The following RABGAP1L variants were observed in gnomAD, a reference collection of about 807,000 sequenced individuals.
The protein encoded by RABGAP1L is RAB GTPase activating protein 1 like, also known as rab GTPase-activating protein 1-like.
RABGAP1L carries 63 observed loss-of-function variants against 137.7 expected under a neutral mutation model. The ratio of observed to expected loss-of-function variants is 0.46; its 90% CI spans 0.37 to 0.56. RABGAP1L has a LOEUF of 0.56. Among genes scored for constraint, RABGAP1L ranks in the 20% least tolerant of loss-of-function variants. The probability of loss-of-function intolerance (pLI) is 0.00; values close to 1 mark genes in which losing one functional copy is unlikely to be tolerated. For missense variants in RABGAP1L, 1,095 were observed against 1,244.0 expected (o/e 0.88, Z 1.80); for synonymous variants, 431 against 433.7 (o/e 0.99, Z 0.08).
chr1:174,934,084 T>TG (rs1041212031), intron 19 of RABGAP1L, among the ~76,000 whole-genome samples: 3 of 152,150 alleles, frequency 2.0e-5, no homozygotes, highest in African/African-American at 4.8e-5. Context: ...TTTTTGTTTT[T>TG]TTGTTGTTGT....
intron 14 of RABGAP1L, among the ~76,000 whole-genome samples, chr1:174,678,180 T>TA (rs2148466139): frequency 6.6e-6 from 1 of 152,268 alleles, no homozygotes; most frequent in Non-Finnish European, 1.5e-5. Flanking sequence ...ACAAATTATT[T>TA]AAATTGAAAC....
chr1:174,804,528 G>A (rs1176593078), intron 18 of RABGAP1L, among the ~76,000 whole-genome samples: 4 of 152,088 alleles, frequency 2.6e-5, no homozygotes, highest in African/African-American at 4.8e-5. Flanking sequence ...GCCAACGCTG[G>A]TCTAAAACTC....
intron 13 of RABGAP1L, among the ~76,000 whole-genome samples, chr1:174,530,878 C>G (rs1664342077): frequency 1.3e-5 from 2 of 151,300 alleles, no homozygotes; most frequent in Admixed American, 1.3e-4. Context: ...TTAAAATCAG[C>G]TTGTGGAATT....
chr1:174,720,307 G>GTTT (rs201866860), intron 17 of RABGAP1L, among the ~76,000 whole-genome samples: 4 of 118,244 alleles, frequency 3.4e-5, no homozygotes, highest in African/African-American at 8.3e-5. Flanking sequence ...ACAGATAGTT[G>GTTT]GTTTTTTTTT....
chr1:174,912,239 T>G (rs1248483452), intron 19 of RABGAP1L, among the ~76,000 whole-genome samples: 1 of 152,186 alleles, frequency 6.6e-6, no homozygotes, highest in Non-Finnish European at 1.5e-5. Context: ...AACTCTTGGC[T>G]GAAGCAATCC....
chr1:174,550,995 TAC>T (rs202232006), intron 13 of RABGAP1L, among the ~76,000 whole-genome samples: 3 of 64,442 alleles, frequency 4.7e-5, no homozygotes, highest in African/African-American at 3.7e-4. Context: ...TATATATATA[TAC>T]ACATATATAT....
At chr1:174,354,775 A>G (rs1401246383) in intron 11 of RABGAP1L, among the ~76,000 whole-genome samples, 1 of 152,148 alleles carries the variant, frequency 6.6e-6, no homozygotes, top group Non-Finnish European at 1.5e-5. Flanking sequence ...GTTTTCTTCT[A>G]GGGTTTTTAT....
intron 13 of RABGAP1L, among the ~76,000 whole-genome samples, chr1:174,512,585 A>G (rs1459084338): frequency 2.0e-5 from 3 of 152,226 alleles, no homozygotes; most frequent in Non-Finnish European, 4.4e-5. Context: ...CTTGCCATGT[A>G]TAAAAAGGCA....
At chr1:174,626,706 C>G (rs1048451118) in intron 13 of RABGAP1L, among the ~76,000 whole-genome samples, 1 of 152,128 alleles carries the variant, frequency 6.6e-6, no homozygotes, top group Non-Finnish European at 1.5e-5. Flanking sequence ...TGATCCAGCC[C>G]TTTTGTATTA....
rs946358922 is a variant in RABGAP1L at position 174,830,183 on chromosome 1, T to G, written c.2340+18223T>G. Among the ~76,000 whole-genome samples, 8 of 147,280 alleles carry G rather than the reference T, an allele frequency of 5.4e-5. 1 individual carries two copies. Among genetic ancestry groups the G allele is most frequent in the African/African-American group, 2.0e-4 (8 of 40,334 alleles). ...ACACTTTATCAAGCTGTTTCAAACA[T>G]ACCACAAGGGAAAGGGATACCAGGA... On this transcript the variant is annotated intron_variant, in intron 19 of 25. Coordinates refer to ENST00000681986, the MANE Select transcript of RABGAP1L (RefSeq NM_001366446.1).
At chr1:174,857,365 AT>A (rs1309754483) in intron 19 of RABGAP1L, among the ~76,000 whole-genome samples, 2 of 151,784 alleles carry the variant, frequency 1.3e-5, no homozygotes, top group Non-Finnish European at 2.9e-5. Context: ...TACCCTCTCC[AT>A]TTCCTATTTT....
intron 13 of RABGAP1L, among the ~76,000 whole-genome samples, chr1:174,466,743 C>A (rs1047278651): frequency 3.3e-5 from 5 of 152,194 alleles, no homozygotes; most frequent in African/African-American, 1.2e-4. Flanking sequence ...GCCAAGATCA[C>A]GCCACTGCAC....
intron 13 of RABGAP1L, among the ~76,000 whole-genome samples, chr1:174,601,326 G>A (rs2148172221): frequency 6.6e-6 from 1 of 152,312 alleles, no homozygotes; most frequent in South Asian, 2.1e-4. Context: ...ATGGTCTTGG[G>A]AATTAACATT....
At chr1:174,177,055 G>A (rs1395371928) in intron 1 of RABGAP1L, among the ~76,000 whole-genome samples, 2 of 152,080 alleles carry the variant, frequency 1.3e-5, no homozygotes, top group African/African-American at 2.4e-5. Context: ...CAGCCTGGGC[G>A]ACAGAGTGAG....
intron 13 of RABGAP1L, among the ~76,000 whole-genome samples, chr1:174,573,313 T>G (rs941376639): frequency 6.6e-6 from 1 of 151,772 alleles, no homozygotes. Flanking sequence ...ATATATATAA[T>G]TTGTGTGTGT....
At chr1:174,503,658 C>CAAAAAAAAAAAAAAA (rs61588327) in intron 13 of RABGAP1L, among the ~76,000 whole-genome samples, 1 of 103,642 alleles carries the variant, frequency 9.6e-6, no homozygotes, top group Non-Finnish European at 2.1e-5. Flanking sequence ...GAGACTCCGT[C>CAAAAAAAAAAAAAAA]AAAAAAAAAA....
At chr1:174,696,881 G>A (rs1223957896) in intron 15 of RABGAP1L, among the ~76,000 whole-genome samples, 1 of 152,182 alleles carries the variant, frequency 6.6e-6, no homozygotes, top group Non-Finnish European at 1.5e-5. Context: ...TTCTTGCGTG[G>A]ATAGTTGTTC....
intron 11 of RABGAP1L, among the ~76,000 whole-genome samples, chr1:174,311,663 G>A (rs1678864806): frequency 6.6e-6 from 1 of 152,184 alleles, no homozygotes. Context: ...CTGGAGTGCA[G>A]TGGTGCGATC....
At chr1:174,160,737 G>T (rs762295621) in intron 1 of RABGAP1L, among the ~76,000 whole-genome samples, 3 of 152,186 alleles carry the variant, frequency 2.0e-5, no homozygotes, top group African/African-American at 2.4e-5. Context: ...GTAGTTGCTT[G>T]TTAAAATTCT....
Sources: allele counts gnomAD v4.1 joint callset (sites outside exome capture counted in the v4.1 genomes callset), GRCh38; gene constraint gnomAD v4.1.1; transcripts MANE v1.5; gene names NCBI Gene and HGNC (gene_info 2026-07-23, HGNC 2026-07-21).